The following OR51B5 variants were observed in gnomAD, a reference collection of about 807,000 sequenced individuals.
The protein encoded by OR51B5 is olfactory receptor family 51 subfamily B member 5.
For synonymous variants in OR51B5, 186 were observed against 144.8 expected (o/e 1.28, Z -2.04); for missense variants, 456 against 374.6 (o/e 1.22, Z -1.79).
At chr11:5,383,160 A>C (rs192926197) in intron 1 of OR51B5, among the ~76,000 whole-genome samples, 12 of 152,090 alleles carry the variant, frequency 7.9e-5, no homozygotes, top group Non-Finnish European at 1.3e-4. Flanking sequence ...TGTAAAGGCT[A>C]CTTGTTGTAG....
intron 1 of OR51B5, chr11:5,422,567 G>A: frequency 6.2e-7 from 1 of 1,614,042 alleles, no homozygotes; most frequent in Non-Finnish European, 8.5e-7. Flanking sequence ...TATGTCCGTT[G>A]ACTGCTATGT....
chr11:5,500,180 A>T (rs1002190358), intron 1 of OR51B5, among the ~76,000 whole-genome samples: 2 of 152,234 alleles, frequency 1.3e-5, no homozygotes, highest in African/African-American at 4.8e-5. Flanking sequence ...TTAATTTCAC[A>T]TAACTTTTGC....
At chr11:5,460,258 A>C (rs1851027870) in intron 1 of OR51B5, among the ~76,000 whole-genome samples, 1 of 152,214 alleles carries the variant, frequency 6.6e-6, no homozygotes, top group African/African-American at 2.4e-5. Context: ...GGATGTGAAG[A>C]GGGAGAGGAT....
intron 1 of OR51B5, among the ~76,000 whole-genome samples, chr11:5,387,094 T>A (rs921955656): frequency 6.6e-6 from 1 of 152,024 alleles, no homozygotes; most frequent in Non-Finnish European, 1.5e-5. Context: ...ATAGATAATA[T>A]AATGAATGAG....
intron 1 of OR51B5, among the ~76,000 whole-genome samples, chr11:5,378,297 T>C (rs1037758916): frequency 3.9e-5 from 6 of 152,032 alleles, no homozygotes; most frequent in Non-Finnish European, 8.8e-5. Flanking sequence ...TTACACCTTA[T>C]ACAAAAATTA....
At chr11:5,434,946 G>A (rs200686710) in intron 1 of OR51B5, among the ~76,000 whole-genome samples, 3 of 152,120 alleles carry the variant, frequency 2.0e-5, no homozygotes, top group South Asian at 2.1e-4. Flanking sequence ...TGGAGAAGTC[G>A]GTTATCTTTA....
downstream of OR51B5, among the ~76,000 whole-genome samples, chr11:5,341,873 G>C (rs1848900345): frequency 6.6e-6 from 1 of 152,154 alleles, no homozygotes. Flanking sequence ...GATAGAAGGA[G>C]GTACTGACTG....
At chr11:5,389,553 C>CAG (rs778163783) in intron 1 of OR51B5, 10 of 1,613,968 alleles carry the variant, frequency 6.2e-6, no homozygotes, top group Non-Finnish European at 7.6e-6. Context: ...GTTGCCATCT[C>CAG]AGGCAATTGT....
At chr11:5,488,679 A>C (rs372209053) in intron 1 of OR51B5, 14 of 1,471,520 alleles carry the variant, frequency 9.5e-6, no homozygotes, top group Non-Finnish European at 1.3e-5. Flanking sequence ...AATACTATTC[A>C]GAAAGAGCCC....
chr11:5,460,357 T>C (rs369409131), intron 1 of OR51B5, among the ~76,000 whole-genome samples: 1 of 152,238 alleles, frequency 6.6e-6, no homozygotes, highest in Non-Finnish European at 1.5e-5. Flanking sequence ...AGTTTACCTA[T>C]ATAACAAACC....
At chr11:5,415,464 T>A in intron 1 of OR51B5, among the ~76,000 whole-genome samples, 1 of 150,878 alleles carries the variant, frequency 6.6e-6, no homozygotes, top group East Asian at 1.9e-4. Flanking sequence ...AAAAAACCCT[T>A]CAAAAAATTA....
intron 1 of OR51B5, among the ~76,000 whole-genome samples, chr11:5,348,916 G>A (rs1283226377): frequency 1.3e-5 from 2 of 152,106 alleles, no homozygotes; most frequent in Non-Finnish European, 2.9e-5. Flanking sequence ...CTAAGTGCTT[G>A]AGACAGAAAA....
chr11:5,460,374 T>C (rs1241641579), intron 1 of OR51B5, among the ~76,000 whole-genome samples: 1 of 152,248 alleles, frequency 6.6e-6, no homozygotes, highest in Non-Finnish European at 1.5e-5. Flanking sequence ...AACCTGCACA[T>C]GTACCCTTGA....
At chr11:5,443,458 A>T (rs1175754667) in intron 1 of OR51B5, among the ~76,000 whole-genome samples, 1 of 150,838 alleles carries the variant, frequency 6.6e-6, no homozygotes, top group Non-Finnish European at 1.5e-5. Context: ...CTAAACCCAC[A>T]TTTAAAGTCC....
intron 1 of OR51B5, among the ~76,000 whole-genome samples, chr11:5,379,108 T>G (rs1849571983): frequency 6.6e-6 from 1 of 151,592 alleles, no homozygotes; most frequent in African/African-American, 2.4e-5. Flanking sequence ...GTGGCACATA[T>G]ACACCATGGA....
At chr11:5,413,426 G>C (rs1317313952) in intron 1 of OR51B5, among the ~76,000 whole-genome samples, 3 of 152,218 alleles carry the variant, frequency 2.0e-5, no homozygotes, top group Non-Finnish European at 2.9e-5. Context: ...ATGCAACAAA[G>C]CTGGACAGAG....
chr11:5,347,135 G>C (rs531150291), upstream of OR51B5, among the ~76,000 whole-genome samples: 47 of 152,226 alleles, frequency 3.1e-4, 1 homozygote, highest in South Asian at 8.3e-3. Context: ...TATGTGTGGG[G>C]AATCAGACAG....
In OR51B5 at chr11:5,399,499, A is replaced by G. The variant is rs187776563; in HGVS notation, n.85-52589T>C. On this transcript the variant is annotated intron_variant and non_coding_transcript_variant, in intron 1 of 4. Transcript: ENST00000415970. ...GCACAAAGGTAAAGTACGTAAAGTT[A>G]TACCGAACATAAGATTCACCTCCAA... Among the ~76,000 whole-genome samples the G allele has an allele frequency of 2.8e-3, 422 of 152,316 alleles. 5 individuals are homozygous for G. Among genetic ancestry groups the G allele is most frequent in the African/African-American group, 1.0e-2 (415 of 41,574 alleles).
At chr11:5,423,237 T>C in intron 1 of OR51B5, 2 of 1,420,542 alleles carry the variant, frequency 1.4e-6, no homozygotes, top group South Asian at 3.1e-5. Context: ...AACTATAAAA[T>C]AAAACTTCAT....
Sources: gnomAD v4.1 joint callset for allele counts (sites outside exome capture counted in the v4.1 genomes callset) on GRCh38, gnomAD v4.1.1 for gene constraint, MANE v1.5 for transcripts, NCBI Gene and HGNC (gene_info 2026-07-23, HGNC 2026-07-21) for gene names.